Variants in ZNF469 observed in about 807,000 individuals in gnomAD.
ZNF469 encodes zinc finger protein 469.
ZNF469 carries 1 observed loss-of-function variant against 1.0 expected under a neutral mutation model. The observed-to-expected ratio is 1.00, with a 90% CI of 0.35 to 4.73. The LOEUF (loss-of-function observed/expected upper bound fraction) is 4.73, where lower values mean the gene tolerates loss of function less well. Ranked by LOEUF, ZNF469 falls within the 30% of genes most tolerant of loss-of-function variation. ZNF469 has a pLI of 0.16. For missense variants in ZNF469, 6,100 were observed against 5,356.3 expected, an observed-to-expected ratio of 1.14 and a Z score of -4.33; for synonymous variants, 2,703 against 2,363.4, an observed-to-expected ratio of 1.14 and a Z score of -4.17.
chr16:88,142,341 T>A, the ZNF469 span, among the ~76,000 whole-genome samples: 1 of 152,194 alleles, frequency 6.6e-6, no homozygotes, highest in South Asian at 2.1e-4. Flanking sequence ...GACCTTCACC[T>A]CCTGGCCCTG....
rs531613870 is a variant in ZNF469 at position 88,439,657 on chromosome 16, G to A, written c.*325G>A. 3.6e-5 allele frequency: 13 copies of A among 364,190 alleles called. No homozygotes were observed. The highest frequency in any genetic ancestry group is 1.5e-4 in the South Asian group (5 of 33,388). The allele number at this position is 364,190 out of a possible 1,614,324, so 22.6% of individuals were successfully genotyped here. On this transcript the variant is annotated 3_prime_UTR_variant, in exon 3 of 3. Transcript: ENST00000565624. ...CACACCCCTGCGCCCTGTGGGCACC[G>A]ACACCACAGAAGCCAATGTTTGGAG...
At chr16:88,161,110 G>A in the ZNF469 span, among the ~76,000 whole-genome samples, 16 of 150,946 alleles carry the variant, frequency 1.1e-4, 1 homozygote, top group Non-Finnish European at 1.8e-4. Context: ...GCAGTGAGCC[G>A]AGATCGCGCC....
At chr16:88,132,199 C>A in the ZNF469 span, among the ~76,000 whole-genome samples, 6 of 152,238 alleles carry the variant, frequency 3.9e-5, no homozygotes, top group African/African-American at 1.4e-4. Context: ...AGGCCCCCAC[C>A]CCTACCCAGG....
chr16:88,352,205 G>A, the ZNF469 span, among the ~76,000 whole-genome samples: 1 of 152,316 alleles, frequency 6.6e-6, no homozygotes, highest in Non-Finnish European at 1.5e-5. Context: ...GAGGGGACGG[G>A]TGCACAATGC....
the ZNF469 span, among the ~76,000 whole-genome samples, chr16:88,363,362 G>C: frequency 7.4e-4 from 112 of 152,356 alleles, no homozygotes; most frequent in African/African-American, 2.6e-3. Context: ...TGCCTCCAAA[G>C]AGTGATGCCT....
At chr16:88,301,625 G>A in the ZNF469 span, among the ~76,000 whole-genome samples, 21 of 152,342 alleles carry the variant, frequency 1.4e-4, no homozygotes, top group African/African-American at 2.9e-4. Context: ...TTGTAGCCAC[G>A]TCCAGGAATT....
Position 88,427,970 on chromosome 16 carries a change from C to A in ZNF469, c.500C>A (p.Pro167Gln). 6.5e-7 allele frequency: 1 copy of A among 1,549,976 alleles called. No homozygotes were observed. The highest frequency in any genetic ancestry group is 8.7e-7 in the Non-Finnish European group (1 of 1,146,886). ...GGAGCTCCACTCAGGCCGGGCCTCC[C>A]AAGGACTGAGGCCCAACCCGCCGCC... The part of the protein sequence containing the change: ...GTGAPLRPGL[P>Q]RTEAQPAAEE... Residue 167 changes from proline (P) to glutamine (Q), a missense_variant, in exon 3 of 3, where the codon CCA becomes CAA. Physicochemically the swap from Pro to Gln is moderately conservative, Grantham distance 76 (BLOSUM62 -1). Transcript: ENST00000565624.
intron 1 of ZNF469, among the ~76,000 whole-genome samples, chr16:88,408,588 G>A (rs772178139): frequency 1.3e-5 from 2 of 152,196 alleles, no homozygotes; most frequent in Non-Finnish European, 2.9e-5. Context: ...CGAGGCTCAG[G>A]AATGCCCTCC....
chr16:88,322,304 C>T, the ZNF469 span, among the ~76,000 whole-genome samples: 1 of 152,378 alleles, frequency 6.6e-6, no homozygotes, highest in Non-Finnish European at 1.5e-5. Context: ...CCCACGGCCG[C>T]TCTGGGAGGA....
the ZNF469 span, among the ~76,000 whole-genome samples, chr16:88,140,475 A>AATCGGAC: frequency 7.6e-6 from 1 of 132,224 alleles, no homozygotes; most frequent in African/African-American, 4.4e-5. Context: ...TAGCACGGAA[A>AATCGGAC]GTCAGTGACA....
the ZNF469 span, among the ~76,000 whole-genome samples, chr16:88,201,586 A>C: frequency 6.6e-6 from 1 of 152,030 alleles, no homozygotes; most frequent in East Asian, 1.9e-4. The surrounding 1 kb of genome is among the most constrained non-coding windows in gnomAD (Gnocchi z 5.0). Context: ...AATGAAAACA[A>C]AGGGTTAAAA....
At chr16:88,302,682 C>T in the ZNF469 span, among the ~76,000 whole-genome samples, 1 of 152,220 alleles carries the variant, frequency 6.6e-6, no homozygotes, top group East Asian at 1.9e-4. Context: ...GGACCAGCAT[C>T]TGCTCCCTGC....
At chr16:88,409,900 G>C (rs1161983807) in intron 1 of ZNF469, among the ~76,000 whole-genome samples, 1 of 149,122 alleles carries the variant, frequency 6.7e-6, no homozygotes, top group Non-Finnish European at 1.5e-5. Context: ...GGCGTTCCAG[G>C]GCTCTGGGTG....
rs1322443671 is a variant in ZNF469, at chr16:88,432,430, CCTGGGGGGACGT to C, written c.4961_4972del (p.Pro1654_Trp1658delinsArg). The C allele has an allele frequency of 4.5e-6, 7 of 1,550,040 alleles. No individual in the cohort carries two copies. The highest frequency in any genetic ancestry group is 6.1e-6 in the Non-Finnish European group (7 of 1,146,972). Reference sequence around the variant, plus strand: ...CACCGTGGAAGCGGTTCAGGGGAGGCCTGGGGGGACGTGGCCCTGCCCAGCCTCCTTCCATCC... The same window carrying C: ...CACCGTGGAAGCGGTTCAGGGGAGGCGGCCCTGCCCAGCCTCCTTCCATCC... On this transcript the variant is annotated inframe_deletion, in exon 3 of 3. Transcript: ENST00000565624.
the ZNF469 span, among the ~76,000 whole-genome samples, chr16:88,257,001 T>G: frequency 2.2e-4 from 33 of 149,018 alleles, no homozygotes; most frequent in African/African-American, 7.6e-4. Context: ...CATGCTGGAC[T>G]GCAGTGGCAC....
chr16:88,391,643 G>A (rs1904495223), intron 1 of ZNF469, among the ~76,000 whole-genome samples: 1 of 152,246 alleles, frequency 6.6e-6, no homozygotes, highest in African/African-American at 2.4e-5. Context: ...GTGGGGCCGG[G>A]GGACAGGAGG....
chr16:88,422,337 G>A (rs1181083176), intron 1 of ZNF469, among the ~76,000 whole-genome samples: 4 of 137,634 alleles, frequency 2.9e-5, no homozygotes, highest in Non-Finnish European at 4.7e-5. Context: ...GGATGGATGG[G>A]TGAATGGGCA....
the ZNF469 span, among the ~76,000 whole-genome samples, chr16:88,336,802 A>G: frequency 8.2e-3 from 1,247 of 152,286 alleles, 27 homozygotes; most frequent in African/African-American, 0.028. Flanking sequence ...CATCACCACT[A>G]TCTCATTCCA....
the ZNF469 span, among the ~76,000 whole-genome samples, chr16:88,276,965 G>A: frequency 0.29 from 44,508 of 151,188 alleles, 6,971 homozygotes; most frequent in South Asian, 0.39. Flanking sequence ...TTAGTGCTGC[G>A]CCACGCCAAC....
Sources: allele counts gnomAD v4.1 joint callset (sites outside exome capture counted in the v4.1 genomes callset), GRCh38; gene constraint gnomAD v4.1.1; non-coding constraint Gnocchi (gnomAD v3.1); transcripts MANE v1.5; gene names NCBI Gene and HGNC (gene_info 2026-07-23, HGNC 2026-07-21).